Variants in NBDY observed in about 807,000 individuals in gnomAD.
NBDY encodes the protein P-body dissociating protein.
At chrX:56,792,984 GGCA>G (rs1260213708) in intron 2 of NBDY, among the ~76,000 whole-genome samples, 3 of 111,588 alleles carry the variant, frequency 2.7e-5, no homozygotes, top group African/African-American at 9.8e-5. Context: ...GAGAATCTGT[GGCA>G]CGTGGTGGCC....
chrX:56,758,053 G>A (rs896513492), intron 2 of NBDY, among the ~76,000 whole-genome samples: 7 of 109,795 alleles, frequency 6.4e-5, no homozygotes, highest in African/African-American at 2.3e-4. Flanking sequence ...AGCCAGGTCC[G>A]CTAGGCATGG....
chrX:56,812,443 A>G (rs1439360829), intron 2 of NBDY, among the ~76,000 whole-genome samples: 2 of 108,654 alleles, frequency 1.8e-5, no homozygotes, highest in African/African-American at 3.4e-5. Context: ...GTTTCTCCCC[A>G]TTTTTCATCT....
At chrX:56,738,403 G>C (rs1433901876) in intron 2 of NBDY, among the ~76,000 whole-genome samples, 1 of 111,708 alleles carries the variant, frequency 9.0e-6, no homozygotes, top group Admixed American at 9.5e-5. Flanking sequence ...CACCAGCTGG[G>C]TGTTCTCCAA....
intron 2 of NBDY, among the ~76,000 whole-genome samples, chrX:56,764,482 C>A (rs1345652442): frequency 3.6e-5 from 4 of 110,490 alleles, no homozygotes; most frequent in Non-Finnish European, 7.6e-5. Context: ...CCTTCAAGGG[C>A]TCAGAACCCC....
intron 2 of NBDY, among the ~76,000 whole-genome samples, chrX:56,797,971 CA>C (rs1275166179): frequency 8.9e-6 from 1 of 112,044 alleles, no homozygotes; most frequent in African/African-American, 3.2e-5. Context: ...ACAACCAGAC[CA>C]ATAAACAGGT....
chrX:56,759,330 A>G (rs1249030379), intron 2 of NBDY, among the ~76,000 whole-genome samples: 1 of 111,769 alleles, frequency 8.9e-6, no homozygotes, highest in Admixed American at 9.4e-5. Flanking sequence ...TACTTTCTGC[A>G]CTAGAAGCAG....
intron 2 of NBDY, among the ~76,000 whole-genome samples, chrX:56,756,270 A>G (rs2069610534): frequency 9.1e-6 from 1 of 109,580 alleles, no homozygotes; most frequent in Non-Finnish European, 1.9e-5. Flanking sequence ...GTGCACATAT[A>G]CCCTAAAACT....
intron 2 of NBDY, among the ~76,000 whole-genome samples, chrX:56,816,524 C>G (rs1187520833): frequency 2.7e-5 from 3 of 111,007 alleles, no homozygotes; most frequent in African/African-American, 9.8e-5. Context: ...GAACATCTTT[C>G]AACAGTTAAA....
At chrX:56,761,157 T>A (rs961327342) in intron 2 of NBDY, among the ~76,000 whole-genome samples, 9 of 112,274 alleles carry the variant, frequency 8.0e-5, no homozygotes, top group Non-Finnish European at 1.5e-4. Context: ...TCTCAACTTT[T>A]TCCTGTCTTC....
chrX:56,789,681 C>T, intron 2 of NBDY, among the ~76,000 whole-genome samples: 1 of 111,568 alleles, frequency 9.0e-6, no homozygotes, highest in Non-Finnish European at 1.9e-5. Context: ...CTACCTCTCT[C>T]TCTGGAGCCC....
At chrX:56,763,508 C>T (rs1415712925) in intron 2 of NBDY, among the ~76,000 whole-genome samples, 1 of 112,721 alleles carries the variant, frequency 8.9e-6, no homozygotes, top group Non-Finnish European at 1.9e-5. Flanking sequence ...TCCAGGCTTT[C>T]GTAGGACCCC....
chrX:56,786,625 CCTT>C (rs2069729586), intron 2 of NBDY, among the ~76,000 whole-genome samples: 1 of 86,046 alleles, frequency 1.2e-5, no homozygotes, highest in Admixed American at 1.3e-4. Context: ...TCCTCCTTCT[CCTT>C]CTTTCTGCTT....
chrX:56,747,597 G>T (rs935079694), intron 2 of NBDY, among the ~76,000 whole-genome samples: 23 of 111,715 alleles, frequency 2.1e-4, no homozygotes, highest in African/African-American at 6.8e-4. Context: ...CACTACAAAG[G>T]CTCAAGATAG....
At chrX:56,729,757 A>C (rs1401837643) in intron 1 of NBDY, among the ~76,000 whole-genome samples, 168 bp downstream of exon 1, 2 of 112,408 alleles carry the variant, frequency 1.8e-5, no homozygotes, top group African/African-American at 3.2e-5. Context: ...GAAATGATGG[A>C]TATTTAACGA....
intron 2 of NBDY, among the ~76,000 whole-genome samples, chrX:56,766,865 C>T (rs1434018529): frequency 1.8e-5 from 2 of 112,517 alleles, no homozygotes; most frequent in African/African-American, 6.5e-5. Flanking sequence ...CACCCTCCTC[C>T]CAACCCTACC....
At chrX:56,756,531 A>G (rs1420238467) in intron 2 of NBDY, among the ~76,000 whole-genome samples, 1 of 111,476 alleles carries the variant, frequency 9.0e-6, no homozygotes, top group Non-Finnish European at 1.9e-5. Flanking sequence ...TCAGGTTATA[A>G]AAAAAGAGTT....
chrX:56,764,827 C>G (rs934831231), intron 2 of NBDY, among the ~76,000 whole-genome samples: 6 of 110,830 alleles, frequency 5.4e-5, no homozygotes, highest in African/African-American at 2.0e-4. Context: ...GTGGGGGCCA[C>G]AGGGAGCAGG....
At chrX:56,795,838 G>T (rs1286022470) in intron 2 of NBDY, among the ~76,000 whole-genome samples, 2 of 112,710 alleles carry the variant, frequency 1.8e-5, no homozygotes, top group African/African-American at 6.5e-5. Context: ...GAGAATAAAA[G>T]AATGCAGGAA....
intron 2 of NBDY, among the ~76,000 whole-genome samples, chrX:56,807,435 T>A (rs1417872190): frequency 8.9e-6 from 1 of 111,998 alleles, no homozygotes; most frequent in Non-Finnish European, 1.9e-5. Flanking sequence ...TATTGATTCT[T>A]CCCATCCATG....
Sources: gnomAD v4.1 joint callset for allele counts (sites outside exome capture counted in the v4.1 genomes callset) on GRCh38, gnomAD v4.1.1 for gene constraint, MANE v1.5 for transcripts, NCBI Gene and HGNC (gene_info 2026-07-23, HGNC 2026-07-21) for gene names.